Variants in WDFY3 observed in about 807,000 individuals in gnomAD.
WDFY3 encodes WD repeat and FYVE domain-containing protein 3.
Under a neutral mutation model 409.6 loss-of-function variants are expected in WDFY3, and 66 were observed. That is an observed-to-expected ratio of 0.16 (90% CI 0.13 to 0.20). The LOEUF (loss-of-function observed/expected upper bound fraction) is 0.20. WDFY3 is among the 10% of genes least tolerant of loss of function. The pLI is 1.00. For synonymous variants in WDFY3, 1,521 were observed against 1,537.1 expected, an observed-to-expected ratio of 0.99 and a Z score of 0.25; for missense variants, 3,031 against 4,298.1, an observed-to-expected ratio of 0.71 and a Z score of 8.24.
intron 32 of WDFY3, 47 bp from the exon 33 acceptor site, chr4:84,757,208 A>G: frequency 6.5e-7 from 1 of 1,541,250 alleles, no homozygotes; most frequent in Non-Finnish European, 8.9e-7. Flanking sequence ...AGCAACTGAT[A>G]AACATGCTGC....
At chr4:84,774,079 C>G (rs1262886632) in intron 29 of WDFY3, among the ~76,000 whole-genome samples, 1 of 152,178 alleles carries the variant, frequency 6.6e-6, no homozygotes, top group East Asian at 1.9e-4. Flanking sequence ...GACTTACAAA[C>G]TATACAGATT....
intron 44 of WDFY3, 128 bp from the exon 45 acceptor site, chr4:84,727,039 T>C (rs1407219222): frequency 2.1e-5 from 16 of 752,328 alleles, no homozygotes; most frequent in Non-Finnish European, 3.4e-5. Context: ...ATTAACATGA[T>C]AGCCTAAGCA....
chr4:84,847,602 T>TAAAAA (rs757064066), intron 5 of WDFY3, among the ~76,000 whole-genome samples: 17 of 79,130 alleles, frequency 2.1e-4, no homozygotes, highest in Admixed American at 8.6e-4. Flanking sequence ...CCGTCTCTAC[T>TAAAAA]AAAAAAAAAA....
intron 61 of WDFY3, among the ~76,000 whole-genome samples, chr4:84,689,436 T>C (rs1319129615): frequency 6.6e-6 from 1 of 152,204 alleles, no homozygotes; most frequent in East Asian, 1.9e-4. Context: ...TTAAGCATAA[T>C]TTGAATCAGC....
At chr4:84,682,628 G>C in intron 63 of WDFY3, 158 bp from the exon 64 acceptor site, 8 of 639,582 alleles carry the variant, frequency 1.3e-5, no homozygotes, top group South Asian at 2.0e-5. Context: ...TGTGGCAGCG[G>C]GCTGCCTGCA....
chr4:84,777,923 C>A (rs1745827573), intron 27 of WDFY3, among the ~76,000 whole-genome samples: 2 of 151,920 alleles, frequency 1.3e-5, no homozygotes, highest in Admixed American at 1.3e-4. Context: ...CTTGAGAGAA[C>A]AGAGTGTAAG....
intron 63 of WDFY3, 77 bp from the exon 64 acceptor site, chr4:84,682,547 A>C (rs1727552971): frequency 8.9e-7 from 1 of 1,128,880 alleles, no homozygotes; most frequent in Non-Finnish European, 1.3e-6. Context: ...CAATGAAGAG[A>C]GACTGTCAGG....
intron 46 of WDFY3, among the ~76,000 whole-genome samples, chr4:84,724,212 TG>T (rs1229113162): frequency 1.3e-5 from 2 of 152,194 alleles, no homozygotes; most frequent in African/African-American, 4.8e-5. Flanking sequence ...ATTAAGCCAA[TG>T]GGCACGTGAT....
intron 36 of WDFY3, among the ~76,000 whole-genome samples, chr4:84,744,012 ACAT>A (rs1482868282): frequency 6.6e-6 from 1 of 150,420 alleles, no homozygotes; most frequent in Non-Finnish European, 1.5e-5. Flanking sequence ...CAAAGGTGAA[ACAT>A]CATCTTCTTT....
At chr4:84,826,104 T>G (rs1012536606) in intron 10 of WDFY3, among the ~76,000 whole-genome samples, 1 of 152,078 alleles carries the variant, frequency 6.6e-6, no homozygotes. Flanking sequence ...ATGCTGTCCA[T>G]AGTCAGCCGC....
At position 84,839,933 on chromosome 4, in the gene WDFY3, G is replaced by C. The variant is rs151286173; in HGVS notation, c.414+1221C>G. ...ATAAAAAGAAAACAGATCATTCCGA[G>C]GACAAAATTCTAAGAGATAATTACT... On this transcript the variant is annotated intron_variant, in intron 6 of 67. Coordinates refer to ENST00000295888, the MANE Select transcript of WDFY3 (RefSeq NM_014991.6). Among the ~76,000 whole-genome samples, 448 of 152,176 alleles carry C rather than the reference G, an allele frequency of 2.9e-3. 3 individuals are homozygous for C. Among genetic ancestry groups the C allele is most frequent in the Non-Finnish European group, 4.5e-3 (307 of 67,992 alleles).
At chr4:84,841,005 CATGAA>C (rs1197039292) in intron 6 of WDFY3, 144 bp downstream of exon 6, 1 of 684,122 alleles carries the variant, frequency 1.5e-6, no homozygotes, top group African/African-American at 1.8e-5. Flanking sequence ...TTATGAGAAG[CATGAA>C]ATAATGTTTT....
At chr4:84,723,456 C>T (rs1322678519) in intron 46 of WDFY3, among the ~76,000 whole-genome samples, 1 of 152,078 alleles carries the variant, frequency 6.6e-6, no homozygotes, top group Non-Finnish European at 1.5e-5. Context: ...CTAACTTTTA[C>T]TTAAAATCTT....
At chr4:84,847,055 G>A (rs147722025) in intron 5 of WDFY3, among the ~76,000 whole-genome samples, 216 of 152,170 alleles carry the variant, frequency 1.4e-3, no homozygotes, top group Admixed American at 3.5e-3. Flanking sequence ...AAGAGAGGGA[G>A]TACGCATTGA....
At position 84,833,712 on chromosome 4, in the gene WDFY3, A is replaced by G. The variant is rs192856076; in HGVS notation, c.577-2107T>C. On this transcript the variant is annotated intron_variant, in intron 7 of 67. Transcript: ENST00000295888. ...AAAAGAGAAGAGAAGAGAAGAGAAC[A>G]GAACAGAAGAGAACAGAAGAGAACA... Among the ~76,000 whole-genome samples the G allele has an allele frequency of 5.4e-3, 799 of 148,828 alleles. 5 individuals are homozygous for G. The highest frequency in any genetic ancestry group is 9.1e-3 in the Non-Finnish European group (618 of 67,558).
At chr4:84,709,602 TTGTTTG>T in intron 51 of WDFY3, among the ~76,000 whole-genome samples, 1 of 149,832 alleles carries the variant, frequency 6.7e-6, no homozygotes, top group East Asian at 1.9e-4. Context: ...TTTGTGAATT[TTGTTTG>T]AGTTGAGTAT....
chr4:84,704,481 G>A, intron 54 of WDFY3, 37 bp from the exon 55 acceptor site: 2 of 1,457,848 alleles, frequency 1.4e-6, no homozygotes, highest in Non-Finnish European at 1.9e-6. Flanking sequence ...GAAACCAAAA[G>A]AAGAAATATG....
At chr4:84,815,485 T>C (rs886191520) in intron 13 of WDFY3, among the ~76,000 whole-genome samples, 1 of 152,136 alleles carries the variant, frequency 6.6e-6, no homozygotes, top group Non-Finnish European at 1.5e-5. Flanking sequence ...ATATCCTCCA[T>C]AGCAAAGGAA....
At chr4:84,728,623 G>GT (rs940881664) in intron 44 of WDFY3, among the ~76,000 whole-genome samples, 1 of 152,142 alleles carries the variant, frequency 6.6e-6, no homozygotes, top group Non-Finnish European at 1.5e-5. Context: ...ACACCTAACT[G>GT]TGACATTCAC....
Sources: gnomAD v4.1 joint callset for allele counts (sites outside exome capture counted in the v4.1 genomes callset) on GRCh38, gnomAD v4.1.1 for gene constraint, MANE v1.5 for transcripts, NCBI Gene and HGNC (gene_info 2026-07-23, HGNC 2026-07-21) for gene names.